DMD: variants seen among roughly 807,000 people sequenced by gnomAD.
DMD encodes the protein mutant dystrophin.
Under a neutral mutation model 330.1 loss-of-function variants are expected in DMD, and 63 were observed. The ratio of observed to expected loss-of-function variants is 0.19; its 90% CI spans 0.16 to 0.24. The LOEUF is 0.24. Among genes scored for constraint, DMD ranks in the 10% least tolerant of loss-of-function variants. DMD has a pLI of 1.00. For synonymous variants in DMD, 1,223 were observed against 959.8 expected (o/e 1.27, Z -5.07); for missense variants, 3,344 against 2,684.1 (o/e 1.25, Z -5.43).
At chrX:31,160,477 A>G (rs1602258627) in intron 74 of DMD, among the ~76,000 whole-genome samples, 1 of 111,636 alleles carries the variant, frequency 9.0e-6, no homozygotes, top group East Asian at 2.8e-4. Flanking sequence ...CAACTACAGT[A>G]GAGAGTCAAC....
intron 7 of DMD, among the ~76,000 whole-genome samples, chrX:32,784,950 A>T (rs1205842946): frequency 9.0e-6 from 1 of 111,259 alleles, no homozygotes; most frequent in Non-Finnish European, 1.9e-5. Flanking sequence ...AGTATATAGC[A>T]CTATTCCTTA....
At chrX:32,913,299 A>C (rs1259453116) in intron 2 of DMD, among the ~76,000 whole-genome samples, 1 of 112,479 alleles carries the variant, frequency 8.9e-6, no homozygotes, top group African/African-American at 3.2e-5. Flanking sequence ...TCTACATAAT[A>C]CAAAAAGTCA....
chrX:31,768,811 T>A (rs1157080101), intron 51 of DMD, among the ~76,000 whole-genome samples: 1 of 112,241 alleles, frequency 8.9e-6, no homozygotes, highest in East Asian at 2.8e-4. Flanking sequence ...ATGTGTGCTT[T>A]ACTTCTAAAG....
chrX:32,160,264 C>CA (rs1398430367), intron 44 of DMD, among the ~76,000 whole-genome samples: 1 of 106,157 alleles, frequency 9.4e-6, no homozygotes, highest in East Asian at 3.0e-4. Flanking sequence ...GACAGGGTCT[C>CA]ACTCTGTCAT....
At chrX:31,609,018 G>A (rs755015676) in intron 55 of DMD, among the ~76,000 whole-genome samples, 109 of 112,093 alleles carry the variant, frequency 9.7e-4, no homozygotes, top group African/African-American at 3.4e-3. Flanking sequence ...ATCTTTGACT[G>A]AATTCTTCAG....
At chrX:33,268,420 C>T (rs769785965) in intron 1 of DMD, among the ~76,000 whole-genome samples, 8 of 111,841 alleles carry the variant, frequency 7.2e-5, no homozygotes, top group African/African-American at 2.3e-4. Context: ...AGATAATCTA[C>T]AGAATGGGAG....
At chrX:32,421,195 T>C (rs1297298954) in intron 29 of DMD, among the ~76,000 whole-genome samples, 3 of 112,436 alleles carry the variant, frequency 2.7e-5, no homozygotes, top group African/African-American at 9.7e-5. Context: ...ACAGTATGCT[T>C]ATGGCTTCCT....
chrX:31,564,102 T>C (rs1269613710), intron 55 of DMD, among the ~76,000 whole-genome samples: 1 of 110,356 alleles, frequency 9.1e-6, no homozygotes, highest in Admixed American at 9.7e-5. Context: ...CAACAAACCA[T>C]CAGAAACTAG....
chrX:31,509,524 T>C (rs1040123932), intron 55 of DMD, among the ~76,000 whole-genome samples: 2 of 112,036 alleles, frequency 1.8e-5, no homozygotes, highest in African/African-American at 6.5e-5. Context: ...CAGTTTTCTA[T>C]GTTTACTACA....
chrX:32,541,215 T>A (rs1321416212), intron 17 of DMD, among the ~76,000 whole-genome samples: 1 of 111,427 alleles, frequency 9.0e-6, no homozygotes. Context: ...ATAATGTTTA[T>A]TATGGAATTT....
chrX:31,373,448 C>T (rs1400403087), intron 60 of DMD, among the ~76,000 whole-genome samples: 1 of 96,666 alleles, frequency 1.0e-5, no homozygotes, highest in Admixed American at 1.1e-4. Context: ...AGCAAAACAG[C>T]ATGGTACTGG....
chrX:32,820,684 C>A (rs1236421455), intron 5 of DMD, among the ~76,000 whole-genome samples: 1 of 111,445 alleles, frequency 9.0e-6, no homozygotes, highest in East Asian at 2.8e-4. Context: ...TCAAAACTTA[C>A]ATCTGTCTTA....
At chrX:32,878,673 C>A (rs182960828) in intron 2 of DMD, among the ~76,000 whole-genome samples, 1 of 110,231 alleles carries the variant, frequency 9.1e-6, no homozygotes, top group Admixed American at 9.7e-5. Context: ...CAAATTTTTC[C>A]ATCTCTAATC....
chrX:32,006,541 T>C (rs1248043763), intron 44 of DMD, among the ~76,000 whole-genome samples: 1 of 111,662 alleles, frequency 9.0e-6, no homozygotes, highest in African/African-American at 3.3e-5. Context: ...TAGTAATTTA[T>C]AACCGTGAAT....
At chrX:33,029,024 A>C (rs1440402167) in intron 1 of DMD, among the ~76,000 whole-genome samples, 2 of 111,753 alleles carry the variant, frequency 1.8e-5, no homozygotes, top group African/African-American at 6.5e-5. Flanking sequence ...ACTGAAGCAG[A>C]AATAGGTACT....
chrX:31,138,142 G>C (rs374447057), intron 76 of DMD, among the ~76,000 whole-genome samples: 1 of 111,500 alleles, frequency 9.0e-6, no homozygotes, highest in Non-Finnish European at 1.9e-5. Context: ...GGGGTTGCCC[G>C]CTTGTGTTTA....
intron 70 of DMD, 90 bp from the exon 71 acceptor site, chrX:31,178,060 G>T: frequency 9.1e-7 from 1 of 1,094,777 alleles, no homozygotes; most frequent in Non-Finnish European, 1.2e-6. Flanking sequence ...ATAAAATCCA[G>T]CCAATTAAGT....
chrX:32,422,025 G>A lies in DMD; in HGVS notation c.4072-10112C>T, dbSNP rs965758801. On this transcript the variant is annotated intron_variant, in intron 29 of 78. Coordinates refer to ENST00000357033, the MANE Select transcript of DMD (RefSeq NM_004006.3). ...GAAAGCGTTCATTCTACTTCAGCAG[G>A]GAACTATGGCTGTGAAGGAAAACCA... 4.5e-5 allele frequency among the ~76,000 whole-genome samples: 5 copies of A among 111,459 alleles called. No individual in the cohort carries two copies. In the Admixed American group the frequency reaches 4.8e-4, roughly 11 times the overall value.
rs189098469 is a variant in DMD, at chrX:31,786,494, C to T, written c.7310-12302G>A. Among the ~76,000 whole-genome samples the T allele has an allele frequency of 3.1e-3, 341 of 110,848 alleles. 4 individuals carry two copies. Among genetic ancestry groups the T allele is most frequent in the African/African-American group, 0.01 (316 of 30,500 alleles). On this transcript the variant is annotated intron_variant, in intron 50 of 78. Coordinates refer to ENST00000357033, the MANE Select transcript of DMD (RefSeq NM_004006.3). Reference sequence around the variant, plus strand: ...ATATTAAGGCCCAGTGGAAAATAATCGATTTATTTTATGTCCTCACTACTC... The same window carrying T: ...ATATTAAGGCCCAGTGGAAAATAATTGATTTATTTTATGTCCTCACTACTC...
Sources: allele counts gnomAD v4.1 joint callset (sites outside exome capture counted in the v4.1 genomes callset), GRCh38; gene constraint gnomAD v4.1.1; transcripts MANE v1.5; gene names NCBI Gene and HGNC (gene_info 2026-07-23, HGNC 2026-07-21).